GRID1: variants seen among roughly 807,000 people sequenced by gnomAD.
The protein encoded by GRID1 is glutamate receptor ionotropic, delta-1.
Under a neutral mutation model 98.0 loss-of-function variants are expected in GRID1, and 28 were observed. The observed-to-expected ratio is 0.29, with a 90% CI of 0.21 to 0.39. The LOEUF (loss-of-function observed/expected upper bound fraction) is 0.39. GRID1 is among the 10% of genes least tolerant of loss of function. GRID1 has a pLI of 1.00. For missense variants in GRID1, 1,111 were observed against 1,340.5 expected, an observed-to-expected ratio of 0.83 and a Z score of 2.67; for synonymous variants, 553 against 538.5, an observed-to-expected ratio of 1.03 and a Z score of -0.37.
At chr10:86,077,400 G>A (rs1215918894) in intron 4 of GRID1, among the ~76,000 whole-genome samples, 1 of 152,110 alleles carries the variant, frequency 6.6e-6, no homozygotes, top group Admixed American at 6.5e-5. Context: ...CACACCCACT[G>A]CCTGAACACA....
intron 4 of GRID1, among the ~76,000 whole-genome samples, chr10:86,000,246 A>T (rs1281567838): frequency 6.6e-6 from 1 of 152,222 alleles, no homozygotes; most frequent in Non-Finnish European, 1.5e-5. Context: ...AAAAGTTATA[A>T]AACTAACAAC....
At chr10:86,157,755 T>A (rs1845266315) in intron 3 of GRID1, among the ~76,000 whole-genome samples, 1 of 152,154 alleles carries the variant, frequency 6.6e-6, no homozygotes, top group Non-Finnish European at 1.5e-5. Context: ...CAACCTGGAA[T>A]CCTCCTAAAT....
chr10:85,728,844 A>G (rs1169086535), intron 9 of GRID1, among the ~76,000 whole-genome samples: 3 of 152,214 alleles, frequency 2.0e-5, no homozygotes. Context: ...TACTGTTGCC[A>G]AAGGTTTCTA....
intron 12 of GRID1, among the ~76,000 whole-genome samples, chr10:85,685,959 G>C (rs1176781502): frequency 6.6e-6 from 1 of 151,856 alleles, no homozygotes; most frequent in Admixed American, 6.6e-5. Context: ...AAACTAAATG[G>C]AAAGATAGAT....
At chr10:85,643,698 C>T (rs1381548223) in intron 13 of GRID1, among the ~76,000 whole-genome samples, 1 of 152,050 alleles carries the variant, frequency 6.6e-6, no homozygotes, top group Non-Finnish European at 1.5e-5. Flanking sequence ...AAACCCTTAA[C>T]ATTTGTCTAG....
At position 86,007,822 on chromosome 10, in the gene GRID1, T is replaced by TTTTATTTATTTA. The variant is rs56067622; in HGVS notation, c.727-91595_727-91584dup. On this transcript the variant is annotated intron_variant, in intron 4 of 15. Transcript: ENST00000327946. ...TTTGTTTTTTTTGTTTTTTGTGTTT[T>TTTTATTTATTTA]TTTATTTATTTATTTATTTATTTAT... Among the ~76,000 whole-genome samples the TTTTATTTATTTA allele has an allele frequency of 4.7e-3, 698 of 148,826 alleles. 6 individuals carry two copies. Among genetic ancestry groups the TTTTATTTATTTA allele is most frequent in the African/African-American group, 0.017 (672 of 40,168 alleles).
At chr10:85,787,253 A>G (rs2132734954) in intron 8 of GRID1, among the ~76,000 whole-genome samples, 1 of 152,052 alleles carries the variant, frequency 6.6e-6, no homozygotes, top group South Asian at 2.1e-4. Context: ...TGCCCTGGCC[A>G]CTCCCAGGTA....
At position 85,602,089 on chromosome 10, in the gene GRID1, T is replaced by C. The variant is rs778733929; in HGVS notation, c.*184A>G. The C allele has an allele frequency of 2.2e-6, 1 of 455,996 alleles. No individual in the cohort carries two copies. The highest frequency in any genetic ancestry group is 3.8e-6 in the Non-Finnish European group (1 of 260,420). 28.2% of individuals were successfully genotyped at this position (455,996 alleles called of 1,614,324 possible). On this transcript the variant is annotated 3_prime_UTR_variant, in exon 16 of 16. Coordinates refer to ENST00000327946, the MANE Select transcript of GRID1 (RefSeq NM_017551.3). ...TTACTGACTTCGAAAATTGGGAATA[T>C]TCAAAATACACTTTTACCCCACTCC...
chr10:85,930,309 CGGTTATTTATAACTACAAATAACTTGT>C (rs541708204), intron 4 of GRID1, among the ~76,000 whole-genome samples: 1,641 of 104,118 alleles, frequency 0.016, 24 homozygotes, highest in African/African-American at 0.047. Flanking sequence ...AAATAACTTG[CGGTTATTTATAACTACAAATAACTTGT>C]GGTTATTTAT....
chr10:86,202,011 G>A (rs534864245), intron 3 of GRID1, among the ~76,000 whole-genome samples: 5 of 152,272 alleles, frequency 3.3e-5, no homozygotes, highest in South Asian at 2.1e-4. Flanking sequence ...CATATACATC[G>A]TAACCATGTG....
chr10:85,757,552 A>C (rs1917138), intron 8 of GRID1, among the ~76,000 whole-genome samples: 103,779 of 151,634 alleles, frequency 0.68, 35,748 homozygotes, highest in East Asian at 0.87. Context: ...TGTGACTGAC[A>C]TTGTTGTTAA....
At chr10:86,015,264 G>C (rs953990017) in intron 4 of GRID1, among the ~76,000 whole-genome samples, 1 of 152,226 alleles carries the variant, frequency 6.6e-6, no homozygotes, top group African/African-American at 2.4e-5. Context: ...ACGGGTGTCA[G>C]TCAGCCAAAA....
At chr10:86,074,919 C>T (rs897347436) in intron 4 of GRID1, among the ~76,000 whole-genome samples, 35 of 152,284 alleles carry the variant, frequency 2.3e-4, no homozygotes, top group African/African-American at 6.5e-4. Flanking sequence ...ATTGTAGTTG[C>T]TGAATGAATG....
chr10:86,062,474 C>CAG (rs1843663150), intron 4 of GRID1, among the ~76,000 whole-genome samples: 2 of 152,142 alleles, frequency 1.3e-5, no homozygotes, highest in Admixed American at 1.3e-4. Flanking sequence ...CTGTTTTCCC[C>CAG]ACCCTTCCCA....
At chr10:85,900,705 T>A (rs1307265333) in intron 5 of GRID1, among the ~76,000 whole-genome samples, 1 of 152,196 alleles carries the variant, frequency 6.6e-6, no homozygotes, top group African/African-American at 2.4e-5. Flanking sequence ...AATTTAGTGA[T>A]CCATGGACAC....
Position 86,230,798 on chromosome 10 carries a change from C to A in GRID1, c.236-24150G>T, listed in dbSNP as rs770894215. Among the ~76,000 whole-genome samples the A allele has an allele frequency of 6.2e-4, 94 of 152,294 alleles. 1 individual carries two copies. The highest frequency in any genetic ancestry group is 1.7e-3 in the African/African-American group (72 of 41,548). On this transcript the variant is annotated intron_variant, in intron 2 of 15. Transcript: ENST00000327946. ...CTCTGTGTTGCCAGAGCTGTCTCCCCCTCTGGTCTGTGAGCGCCTCCAAGC... is the reference window on the plus strand; with the variant it reads ...CTCTGTGTTGCCAGAGCTGTCTCCCACTCTGGTCTGTGAGCGCCTCCAAGC...
chr10:86,165,942 C>T (rs1334058643), intron 3 of GRID1, among the ~76,000 whole-genome samples: 2 of 152,106 alleles, frequency 1.3e-5, no homozygotes, highest in African/African-American at 4.8e-5. Flanking sequence ...GAGGAGGCTC[C>T]GGTCATGCTG....
intron 4 of GRID1, among the ~76,000 whole-genome samples, chr10:85,986,802 A>G (rs573716079): frequency 1.3e-5 from 2 of 152,354 alleles, no homozygotes; most frequent in African/African-American, 2.4e-5. Flanking sequence ...TACTGAAGAT[A>G]CTGCAAAGGA....
At chr10:86,134,889 C>T (rs1360273612) in intron 4 of GRID1, among the ~76,000 whole-genome samples, 1 of 152,166 alleles carries the variant, frequency 6.6e-6, no homozygotes, top group African/African-American at 2.4e-5. Flanking sequence ...TCTGCCATTA[C>T]AGGTAAAAGG....
Sources: allele counts gnomAD v4.1 joint callset (sites outside exome capture counted in the v4.1 genomes callset), GRCh38; gene constraint gnomAD v4.1.1; transcripts MANE v1.5; gene names NCBI Gene and HGNC (gene_info 2026-07-23, HGNC 2026-07-21).